Variants in NAALADL2 observed in about 807,000 individuals in gnomAD.
The protein encoded by NAALADL2 is N-acetylated alpha-linked acidic dipeptidase like 2, also known as inactive N-acetylated-alpha-linked acidic dipeptidase-like protein 2.
In NAALADL2, 76 loss-of-function variants were observed where a neutral mutation model predicts 87.2. That is an observed-to-expected ratio of 0.87 (90% CI 0.72 to 1.05). The LOEUF (loss-of-function observed/expected upper bound fraction) is 1.05, where lower values mean the gene tolerates loss of function less well. Among genes scored for constraint, NAALADL2 ranks in the 50% least tolerant of loss-of-function variants. NAALADL2 has a pLI of 0.00. For synonymous variants in NAALADL2, 354 were observed against 331.0 expected (o/e 1.07, Z -0.75); for missense variants, 1,089 against 945.8 (o/e 1.15, Z -1.99).
chr3:174,514,301 C>G (rs903055641), intron 1 of NAALADL2, among the ~76,000 whole-genome samples: 1 of 152,098 alleles, frequency 6.6e-6, no homozygotes, highest in South Asian at 2.1e-4. Flanking sequence ...ACATGCCACT[C>G]GCTGCCTTAA....
At chr3:174,613,880 G>A (rs115043121) in intron 2 of NAALADL2, among the ~76,000 whole-genome samples, 2 of 152,170 alleles carry the variant, frequency 1.3e-5, no homozygotes, top group Non-Finnish European at 2.9e-5. Context: ...GGGCTCAAGG[G>A]TTCTTTAGTT....
At chr3:174,951,229 A>G (rs1220289706) in intron 1 of NAALADL2, among the ~76,000 whole-genome samples, 1 of 152,070 alleles carries the variant, frequency 6.6e-6, no homozygotes, top group Non-Finnish European at 1.5e-5. Context: ...ATGTAAATGT[A>G]GCAAAAATAC....
chr3:174,468,384 C>CTTTTTTT (rs67829845), intron 1 of NAALADL2, among the ~76,000 whole-genome samples: 3 of 132,738 alleles, frequency 2.3e-5, no homozygotes, highest in Non-Finnish European at 3.2e-5. Flanking sequence ...CTTTCTTTTT[C>CTTTTTTT]TTTTTTTTTT....
intron 2 of NAALADL2, among the ~76,000 whole-genome samples, chr3:174,699,220 G>A (rs185828778): frequency 9.9e-5 from 15 of 152,124 alleles, no homozygotes; most frequent in Admixed American, 6.5e-4. Context: ...GTGGTGGGCC[G>A]GGCACAGTGG....
chr3:175,411,756 T>C (rs924664225), intron 5 of NAALADL2, among the ~76,000 whole-genome samples: 7 of 152,092 alleles, frequency 4.6e-5, no homozygotes, highest in African/African-American at 1.7e-4. Context: ...TTTAATTTTG[T>C]CTGGTAATGA....
intron 1 of NAALADL2, chr3:174,459,778 T>G (rs927243002): frequency 1.3e-5 from 2 of 152,204 alleles, no homozygotes; most frequent in African/African-American, 2.4e-5. Context: ...GACACCAGTC[T>G]TGCCTTTTGT....
At chr3:175,291,056 A>C (rs960178352) in intron 4 of NAALADL2, among the ~76,000 whole-genome samples, 3 of 152,172 alleles carry the variant, frequency 2.0e-5, no homozygotes, top group Non-Finnish European at 4.4e-5. Flanking sequence ...CATTGTAATT[A>C]ACTATTTTAC....
intron 1 of NAALADL2, among the ~76,000 whole-genome samples, chr3:175,007,818 A>T (rs924801912): frequency 6.6e-6 from 1 of 152,184 alleles, no homozygotes; most frequent in Non-Finnish European, 1.5e-5. Flanking sequence ...ACAGTACTAT[A>T]ATAAAATAGA....
At chr3:175,267,798 G>T (rs762036003) in intron 4 of NAALADL2, among the ~76,000 whole-genome samples, 1 of 152,070 alleles carries the variant, frequency 6.6e-6, no homozygotes, top group Non-Finnish European at 1.5e-5. Flanking sequence ...CATGAGTAGA[G>T]AATCTGAACA....
At chr3:175,629,997 C>G (rs1417419731) in intron 11 of NAALADL2, among the ~76,000 whole-genome samples, 1 of 151,692 alleles carries the variant, frequency 6.6e-6, no homozygotes, top group Non-Finnish European at 1.5e-5. Flanking sequence ...GAAGATAAAA[C>G]CTGCTTAGGT....
intron 3 of NAALADL2, among the ~76,000 whole-genome samples, chr3:174,842,031 C>T (rs991167415): frequency 1.3e-5 from 2 of 148,968 alleles, no homozygotes; most frequent in African/African-American, 2.5e-5. Flanking sequence ...TTTCCATGAT[C>T]GTGTTAAATG....
intron 2 of NAALADL2, among the ~76,000 whole-genome samples, chr3:175,116,403 A>G (rs1392282143): frequency 6.6e-6 from 1 of 152,088 alleles, no homozygotes; most frequent in Non-Finnish European, 1.5e-5. Context: ...TACAAAATCA[A>G]TGTGCAAAAA....
Position 174,928,509 on chromosome 3 carries a change from G to A in NAALADL2, c.43+69059G>A, listed in dbSNP as rs547736576. Among the ~76,000 whole-genome samples the A allele has an allele frequency of 1.2e-4, 18 of 152,214 alleles. 1 individual carries two copies. The South Asian group carries it at 3.7e-3, about 32-fold the overall frequency. ...CCCGCCTCGGCCTCCCAAAGTGCTG[G>A]TATTACAGGCGTGAGCCACCGCGCA... On this transcript the variant is annotated intron_variant, in intron 1 of 13. Transcript: ENST00000454872.
chr3:175,632,882 A>G (rs541213944), intron 11 of NAALADL2, among the ~76,000 whole-genome samples: 6 of 152,218 alleles, frequency 3.9e-5, no homozygotes, highest in Non-Finnish European at 7.4e-5. Context: ...TGGATTGAAA[A>G]ATAATTAGAT....
chr3:175,040,389 C>A (rs750366306), intron 1 of NAALADL2, among the ~76,000 whole-genome samples: 1 of 152,092 alleles, frequency 6.6e-6, no homozygotes, highest in Non-Finnish European at 1.5e-5. Context: ...AATAGGCAGT[C>A]AATATTTGTG....
At chr3:175,062,861 T>C (rs1297876728) in intron 1 of NAALADL2, among the ~76,000 whole-genome samples, 6 of 152,142 alleles carry the variant, frequency 3.9e-5, no homozygotes, top group Non-Finnish European at 8.8e-5. Flanking sequence ...AAAGTGCTCA[T>C]AGGCTGCAAG....
chr3:174,697,230 A>G (rs914952754), intron 2 of NAALADL2, among the ~76,000 whole-genome samples: 13 of 152,166 alleles, frequency 8.5e-5, no homozygotes, highest in African/African-American at 3.1e-4. Context: ...TGGGAAGATA[A>G]TAGGACAGAG....
At chr3:174,716,243 G>A (rs1368626358) in intron 2 of NAALADL2, among the ~76,000 whole-genome samples, 1 of 152,086 alleles carries the variant, frequency 6.6e-6, no homozygotes, top group African/African-American at 2.4e-5. Flanking sequence ...AGTCAGAAAG[G>A]CATACCTGTT....
intron 1 of NAALADL2, among the ~76,000 whole-genome samples, chr3:174,973,954 A>G (rs564881516): frequency 5.3e-5 from 8 of 152,326 alleles, no homozygotes; most frequent in Admixed American, 1.3e-4. Flanking sequence ...GCACTGCACA[A>G]ACCAAAATAG....
Sources: allele counts gnomAD v4.1 joint callset (sites outside exome capture counted in the v4.1 genomes callset), GRCh38; gene constraint gnomAD v4.1.1; transcripts MANE v1.5; gene names NCBI Gene and HGNC (gene_info 2026-07-23, HGNC 2026-07-21).